Variants in BNC2 observed in about 807,000 individuals in gnomAD.
BNC2 encodes the protein zinc finger protein basonuclin-2.
A neutral mutation model predicts 76.3 loss-of-function variants in BNC2; 20 were observed. That is an observed-to-expected ratio of 0.26 (90% confidence interval 0.18 to 0.38). The LOEUF is 0.38. Ranked by LOEUF, BNC2 falls within the 10% of genes least tolerant of loss-of-function variation. The probability of loss-of-function intolerance (pLI) is 1.00; values close to 1 mark genes in which losing one functional copy is unlikely to be tolerated. For missense variants in BNC2, 1,382 were observed against 1,399.8 expected, an observed-to-expected ratio of 0.99 and a Z score of 0.20; for synonymous variants, 582 against 514.8, an observed-to-expected ratio of 1.13 and a Z score of -1.77.
intron 3 of BNC2, among the ~76,000 whole-genome samples, chr9:16,701,163 C>A (rs1823500144): frequency 6.6e-6 from 1 of 152,140 alleles, no homozygotes; most frequent in African/African-American, 2.4e-5. Flanking sequence ...GTGGCTCTAT[C>A]TCTTTTCATC....
Position 16,436,356 on chromosome 9 carries a change from A to G in BNC2, c.1838T>C (p.Val613Ala). ...ATGGGTGGCCATCATCACTGCTGGC[A>G]CTACTGGCTCAGAGGGTGGCGGGGG... ...QHPPPPSEPV[V>A]PAVMMATHEP... Residue 613 changes from valine (V) to alanine (A), a missense_variant, in exon 6 of 7, where the codon GTG (valine) becomes GCG (alanine). This residue lies in a region of BNC2 where 798 missense variants were observed against 775.5 expected (regional missense o/e 1.03). Coordinates refer to ENST00000380672, the MANE Select transcript of BNC2 (RefSeq NM_017637.6). 6.2e-7 allele frequency: 1 copy of G among 1,614,128 alleles called. No individual in the cohort carries two copies. Among genetic ancestry groups the G allele is most frequent in the Non-Finnish European group, 8.5e-7 (1 of 1,180,030 alleles).
At chr9:16,788,711 G>C (rs1184484437) in intron 1 of BNC2, among the ~76,000 whole-genome samples, 3 of 152,050 alleles carry the variant, frequency 2.0e-5, no homozygotes, top group Non-Finnish European at 2.9e-5. Flanking sequence ...TCAGTGCCTA[G>C]CAAATTTGAT....
intron 3 of BNC2, among the ~76,000 whole-genome samples, chr9:16,640,873 T>C (rs1320226815): frequency 6.6e-6 from 1 of 152,180 alleles, no homozygotes; most frequent in Admixed American, 6.5e-5. Flanking sequence ...ATTTCAGTTC[T>C]TACAGTGAAA....
chr9:16,511,566 T>G (rs1056879355), intron 5 of BNC2, among the ~76,000 whole-genome samples: 2 of 151,086 alleles, frequency 1.3e-5, no homozygotes, highest in African/African-American at 4.9e-5. Context: ...TAGCTGGGAC[T>G]ATAGGTGTAA....
intron 1 of BNC2, chr9:16,867,736 CT>C (rs1443136239): frequency 8.5e-6 from 1 of 116,968 alleles, no homozygotes; most frequent in Non-Finnish European, 1.6e-5. Context: ...CCAATTTCTT[CT>C]TTTCTGAACA....
At chr9:16,806,787 A>C (rs1486704379) in intron 1 of BNC2, among the ~76,000 whole-genome samples, 2 of 152,160 alleles carry the variant, frequency 1.3e-5, no homozygotes, top group African/African-American at 2.4e-5. Context: ...CCCTAATCAG[A>C]CTGAAAACCT....
intron 5 of BNC2, among the ~76,000 whole-genome samples, chr9:16,480,789 C>T (rs1200754826): frequency 1.3e-5 from 2 of 152,220 alleles, no homozygotes; most frequent in Non-Finnish European, 2.9e-5. Flanking sequence ...CTGAGCCTCC[C>T]ACCCCCTCCA....
At chr9:16,741,675 A>G (rs1824853744) in intron 1 of BNC2, among the ~76,000 whole-genome samples, 1 of 151,968 alleles carries the variant, frequency 6.6e-6, no homozygotes, top group Non-Finnish European at 1.5e-5. Context: ...AACATGCACC[A>G]TGACAGGTGC....
chr9:16,503,121 A>G (rs997950359), intron 5 of BNC2, among the ~76,000 whole-genome samples: 1 of 152,214 alleles, frequency 6.6e-6, no homozygotes, highest in Non-Finnish European at 1.5e-5. Context: ...AGTATTTGAA[A>G]GAAAAACAGA....
intron 3 of BNC2, among the ~76,000 whole-genome samples, chr9:16,646,144 G>C (rs562691976): frequency 6.6e-6 from 1 of 152,178 alleles, no homozygotes; most frequent in Admixed American, 6.5e-5. Flanking sequence ...CCATCTCAGT[G>C]AACTGGAGGT....
chr9:16,823,710 T>C (rs1818391388), intron 1 of BNC2, among the ~76,000 whole-genome samples: 1 of 152,202 alleles, frequency 6.6e-6, no homozygotes, highest in Admixed American at 6.5e-5. Flanking sequence ...ATAGTAACAT[T>C]TGGTATCCAG....
rs144977988 is a variant in BNC2 at position 16,709,539 on chromosome 9, T to C, written c.330+18258A>G. On this transcript the variant is annotated intron_variant, in intron 3 of 6. Transcript: ENST00000380672. ...TTAGTTTTGAGACATGGAGGAGAGA[T>C]GTTAAAGAACTCAGATGCCAGCCCA... is the stretch of plus-strand genomic sequence containing the variant. Among the ~76,000 whole-genome samples, 685 of 152,284 alleles carry C rather than the reference T, an allele frequency of 4.5e-3. 12 individuals carry two copies. Among genetic ancestry groups the C allele is most frequent in the African/African-American group, 0.016 (652 of 41,538 alleles).
intron 5 of BNC2, among the ~76,000 whole-genome samples, chr9:16,528,829 T>C (rs980046409): frequency 6.6e-6 from 1 of 152,172 alleles, no homozygotes. Flanking sequence ...GATCTCTCTA[T>C]ACTAACGTGG....
At chr9:16,597,388 C>T (rs1820121581) in intron 3 of BNC2, among the ~76,000 whole-genome samples, 1 of 152,082 alleles carries the variant, frequency 6.6e-6, no homozygotes, top group South Asian at 2.1e-4. Context: ...ACAAAAACTC[C>T]CAGTTGTACA....
intron 1 of BNC2, among the ~76,000 whole-genome samples, chr9:16,747,535 T>C (rs910373077): frequency 1.3e-5 from 2 of 152,228 alleles, no homozygotes; most frequent in Admixed American, 6.5e-5. Context: ...TATTCTCATT[T>C]TACCAATAAG....
intron 5 of BNC2, among the ~76,000 whole-genome samples, chr9:16,460,906 G>A (rs1046827203): frequency 6.6e-6 from 1 of 151,774 alleles, no homozygotes; most frequent in Non-Finnish European, 1.5e-5. Context: ...ACATACTTGT[G>A]GCCTTAGCAT....
intron 1 of BNC2, among the ~76,000 whole-genome samples, chr9:16,779,913 A>T (rs926873436): frequency 2.6e-5 from 4 of 152,154 alleles, no homozygotes; most frequent in African/African-American, 9.7e-5. Context: ...TTAAAATTGA[A>T]TGTAGTGATA....
chr9:16,780,316 G>A (rs185711438), intron 1 of BNC2, among the ~76,000 whole-genome samples: 2 of 150,346 alleles, frequency 1.3e-5, no homozygotes, highest in African/African-American at 2.4e-5. Context: ...GCTCACGCCT[G>A]TAATCCCAGC....
At chr9:16,749,056 G>A (rs1825102186) in intron 1 of BNC2, among the ~76,000 whole-genome samples, 2 of 41,998 alleles carry the variant, frequency 4.8e-5, no homozygotes, top group Non-Finnish European at 1.4e-4. Flanking sequence ...GACTATCTTA[G>A]AAATTCAGTA....
Sources: gnomAD v4.1 joint callset for allele counts (sites outside exome capture counted in the v4.1 genomes callset) on GRCh38, gnomAD v4.1.1 for gene constraint, gnomAD v4.1.1 regional missense constraint, MANE v1.5 for transcripts, NCBI Gene and HGNC (gene_info 2026-07-23, HGNC 2026-07-21) for gene names.